The following UBE2W variants were observed in gnomAD, a reference collection of about 807,000 sequenced individuals.
UBE2W encodes ubiquitin-conjugating enzyme E2 W.
A neutral mutation model predicts 27.2 loss-of-function variants in UBE2W; 18 were observed. That is an observed-to-expected ratio of 0.66 (90% CI 0.46 to 0.98). UBE2W has a LOEUF of 0.98. Among genes scored for constraint, UBE2W ranks in the 50% least tolerant of loss-of-function variants. UBE2W has a pLI of 0.00. For missense variants in UBE2W, 90 were observed against 180.2 expected, an observed-to-expected ratio of 0.50 and a Z score of 2.87; for synonymous variants, 53 against 57.2, an observed-to-expected ratio of 0.93 and a Z score of 0.33.
At position 73,788,849 on chromosome 8, in the gene UBE2W, C is replaced by A; in HGVS notation, c.*5253G>T. ...TTGGATCTCTCCTTTTCCCAGTCAA[C>A]TCCTCACTCACCATATTAAAACTGG... On this transcript the variant is annotated 3_prime_UTR_variant, in exon 6 of 6. Transcript: ENST00000602593. The A allele has an allele frequency of 1.0e-6, 1 of 985,378 alleles. No individual in the cohort carries two copies. Among genetic ancestry groups the A allele is most frequent in the Non-Finnish European group, 1.2e-6 (1 of 829,936 alleles). The allele number at this position is 985,378 out of a possible 1,614,324, so 61.0% of individuals were successfully genotyped here.
chr8:73,831,451 G>A (rs2130910068), intron 1 of UBE2W: 1 of 156,804 alleles, frequency 6.4e-6, no homozygotes, highest in South Asian at 1.9e-4. Context: ...GATCCTGGAA[G>A]AACCACATCC....
intron 2 of UBE2W, among the ~76,000 whole-genome samples, chr8:73,828,162 G>A (rs1036935276): frequency 1.3e-5 from 2 of 152,050 alleles, no homozygotes; most frequent in African/African-American, 4.8e-5. Context: ...TTTAACACCC[G>A]TGAGTACCTA....
chr8:73,851,042 G>T (rs1586522878), intron 1 of UBE2W, among the ~76,000 whole-genome samples: 1 of 151,992 alleles, frequency 6.6e-6, no homozygotes, highest in African/African-American at 2.4e-5. Context: ...GTAGAGATAG[G>T]ATTGCGCCAT....
At chr8:73,822,424 C>T (rs187119120) in intron 3 of UBE2W, among the ~76,000 whole-genome samples, 2 of 151,898 alleles carry the variant, frequency 1.3e-5, no homozygotes, top group Admixed American at 1.3e-4. Context: ...CACTAAAATG[C>T]TAATTAGGCA....
At chr8:73,823,864 C>G (rs929772506) in intron 3 of UBE2W, among the ~76,000 whole-genome samples, 1 of 152,158 alleles carries the variant, frequency 6.6e-6, no homozygotes, top group African/African-American at 2.4e-5. Flanking sequence ...CTGACTTTAT[C>G]TCTTCTCTTA....
Position 73,790,620 on chromosome 8 carries a change from C to A in UBE2W, c.*3482G>T. 1.5e-5 allele frequency: 15 copies of A among 985,066 alleles called. No homozygotes were observed. The highest frequency in any genetic ancestry group is 1.8e-5 in the Non-Finnish European group (15 of 829,620). The allele number at this position is 985,066 out of a possible 1,614,324, so 61.0% of individuals were successfully genotyped here. ...CCATAAAGGCTTAGAACTAGTGACA[C>A]TGAATTCTTTATTTAAAAAAATTTT... On this transcript the variant is annotated 3_prime_UTR_variant, in exon 6 of 6. Transcript: ENST00000602593.
At chr8:73,796,084 A>AAGG (rs55682432) in intron 5 of UBE2W, among the ~76,000 whole-genome samples, 103 of 138,120 alleles carry the variant, frequency 7.5e-4, no homozygotes, top group African/African-American at 3.0e-3. Flanking sequence ...AAAAAAAAAA[A>AAGG]GGGGGATGTT....
intron 2 of UBE2W, among the ~76,000 whole-genome samples, chr8:73,828,260 T>A (rs1010854773): frequency 4.6e-5 from 7 of 152,214 alleles, no homozygotes; most frequent in African/African-American, 1.7e-4. Context: ...AACCATCTAT[T>A]CCACTCTGGA....
At chr8:73,825,035 A>T in intron 3 of UBE2W, 112 bp downstream of exon 3, 1 of 630,124 alleles carries the variant, frequency 1.6e-6, no homozygotes, top group Non-Finnish European at 2.7e-6. Flanking sequence ...TAATGAAATA[A>T]CAAATCCATC....
intron 3 of UBE2W, among the ~76,000 whole-genome samples, chr8:73,818,803 C>T (rs1294709556): frequency 3.3e-5 from 5 of 152,198 alleles, no homozygotes; most frequent in African/African-American, 9.7e-5. Context: ...TTCCCACTCT[C>T]GCCATGTGAG....
chr8:73,810,724 A>C (rs1809116595), intron 3 of UBE2W, 95 bp from the exon 4 acceptor site: 2 of 980,400 alleles, frequency 2.0e-6, no homozygotes, highest in South Asian at 2.4e-5. Context: ...TTATAAAAAA[A>C]CAAAAAACCA....
At position 73,792,448 on chromosome 8, in the gene UBE2W, A is replaced by C; in HGVS notation, c.*1654T>G. 4.1e-6 allele frequency: 4 copies of C among 985,706 alleles called. No individual in the cohort carries two copies. The highest frequency in any genetic ancestry group is 4.8e-6 in the Non-Finnish European group (4 of 829,802). 61.1% of individuals were successfully genotyped at this position (985,706 alleles called of 1,614,324 possible). A position where few individuals can be genotyped will look rare whatever the true frequency, so the allele number is the denominator to read the frequency against. On this transcript the variant is annotated 3_prime_UTR_variant, in exon 6 of 6. Coordinates refer to ENST00000602593, the MANE Select transcript of UBE2W (RefSeq NM_018299.6). ...TTTGAGTGTAAAATTATATGCCCTT[A>C]ATTAACAACATGTACAAAGCTACAA...
rs1808190045 is a variant in UBE2W, at chr8:73,791,414, C to T, written c.*2688G>A. ...AAATAAATAAAAGAAGAAGAGTGTA[C>T]CTTATCTTCTAAGTATGAAAGTCTA... On this transcript the variant is annotated 3_prime_UTR_variant, in exon 6 of 6. Transcript: ENST00000602593. 4 of 984,320 alleles carry T rather than the reference C, an allele frequency of 4.1e-6. No homozygotes were observed. Among genetic ancestry groups the T allele is most frequent in the Middle Eastern group, 5.2e-4 (1 of 1,910 alleles). The allele number at this position is 984,320 out of a possible 1,614,324, so 61.0% of individuals were successfully genotyped here.
At chr8:73,839,429 A>C (rs1397316980) in intron 1 of UBE2W, among the ~76,000 whole-genome samples, 1 of 151,814 alleles carries the variant, frequency 6.6e-6, no homozygotes, top group Non-Finnish European at 1.5e-5. Context: ...AGGTGGGTGA[A>C]TCATTTGAGG....
rs374368559 is a variant in UBE2W, at chr8:73,818,726, G to T, written c.210+6421C>A. 2.0e-5 allele frequency among the ~76,000 whole-genome samples: 3 copies of T among 152,166 alleles called. No individual in the cohort carries two copies. In the East Asian group the frequency reaches 5.8e-4, roughly 29 times the overall value. On this transcript the variant is annotated intron_variant, in intron 3 of 5. Transcript: ENST00000602593. ...TCATGAATGGCTTGGTGATGTCCTC[G>T]ACAGTGAATGAGTTCTCTTGAGATC...
In UBE2W at chr8:73,805,839, G is replaced by A. The variant is rs1446339506; in HGVS notation, c.367-113C>T. 5.6e-6 allele frequency: 3 copies of A among 533,054 alleles called. No individual in the cohort carries two copies. The African/African-American group carries it at 5.7e-5, about 10-fold the overall frequency. The allele number at this position is 533,054 out of a possible 1,614,324, so 33.0% of individuals were successfully genotyped here. ...AATGCATAAAAAACAATATAAACAT[G>A]AATAGTATATCTAAAAGAATAAAAA... On this transcript the variant is annotated intron_variant, in intron 4 of 5. Coordinates refer to ENST00000602593, the MANE Select transcript of UBE2W (RefSeq NM_018299.6).
chr8:73,868,294 GGA>G (rs971676094), intron 1 of UBE2W, among the ~76,000 whole-genome samples: 1 of 152,156 alleles, frequency 6.6e-6, no homozygotes, highest in African/African-American at 2.4e-5. Flanking sequence ...AAACCCGAAA[GGA>G]GAGTTTGGAG....
intron 1 of UBE2W, among the ~76,000 whole-genome samples, chr8:73,877,937 G>T (rs1358200313): frequency 6.6e-6 from 1 of 152,162 alleles, no homozygotes; most frequent in African/African-American, 2.4e-5. Context: ...TAAGTCGGGG[G>T]GATATGGCAC....
chr8:73,861,299 A>G, intron 1 of UBE2W, among the ~76,000 whole-genome samples: 1 of 152,182 alleles, frequency 6.6e-6, no homozygotes, highest in South Asian at 2.1e-4. Context: ...CAAGAATTTT[A>G]GTGAACTGAT....
Sources: allele counts gnomAD v4.1 joint callset (sites outside exome capture counted in the v4.1 genomes callset), GRCh38; gene constraint gnomAD v4.1.1; transcripts MANE v1.5; gene names NCBI Gene and HGNC (gene_info 2026-07-23, HGNC 2026-07-21).